Variants in EMC3 observed in about 807,000 individuals in gnomAD.
The protein encoded by EMC3 is ER membrane protein complex subunit 3.
EMC3 carries 13 observed loss-of-function variants against 36.6 expected under a neutral mutation model. The observed-to-expected ratio is 0.35, with a 90% CI of 0.23 to 0.56. The LOEUF is 0.56. Among genes scored for constraint, EMC3 ranks in the 20% least tolerant of loss-of-function variants. The probability of loss-of-function intolerance (pLI) is 0.84; values close to 1 mark genes in which losing one functional copy is unlikely to be tolerated. For synonymous variants in EMC3, 120 were observed against 111.9 expected (o/e 1.07, Z -0.46); for missense variants, 220 against 324.5 (o/e 0.68, Z 2.47).
chr3:9,970,677 G>T lies in EMC3; in HGVS notation c.495-16C>A, dbSNP rs1559349752. ...AGAACTCACCCTGGCAAAGCAAAAT[G>T]AAAATGGTGTGGTTAGTTATTATAT... On this transcript the variant is annotated splice_polypyrimidine_tract_variant and intron_variant, in intron 5 of 7. Transcript: ENST00000245046. The T allele has an allele frequency of 6.2e-7, 1 of 1,613,664 alleles. No individual in the cohort carries two copies. The highest frequency in any genetic ancestry group is 2.2e-5 in the East Asian group (1 of 44,866).
chr3:9,970,193 C>T (rs2085771082), intron 6 of EMC3, among the ~76,000 whole-genome samples: 1 of 152,138 alleles, frequency 6.6e-6, no homozygotes, highest in Non-Finnish European at 1.5e-5. Context: ...AGTTAAGTAA[C>T]TTGTTAAGTA....
intron 1 of EMC3, among the ~76,000 whole-genome samples, chr3:9,995,569 T>C (rs542652366): frequency 4.0e-5 from 6 of 150,806 alleles, no homozygotes; most frequent in Non-Finnish European, 7.4e-5. Flanking sequence ...TGAATCCCCT[T>C]AGAATGGCCA....
At chr3:9,993,047 C>G in intron 1 of EMC3, 2 of 896,320 alleles carry the variant, frequency 2.2e-6, no homozygotes, top group East Asian at 5.3e-5. Flanking sequence ...TAATCTAAAA[C>G]AGAAAGCTTT....
At position 9,963,675 on chromosome 3, in the gene EMC3, A is replaced by C. The variant is rs2085710572; in HGVS notation, c.*394T>G. On this transcript the variant is annotated 3_prime_UTR_variant, in exon 8 of 8. Transcript: ENST00000245046. ...GTATTTTTAGTAGAGATGGGGTTTC[A>C]CCATCTTGGCCAGGCTGATCTTGAA... 1 of 155,602 alleles carries C rather than the reference A, an allele frequency of 6.4e-6. No homozygotes were observed. Among genetic ancestry groups the C allele is most frequent in the Non-Finnish European group, 1.4e-5 (1 of 70,626 alleles). 9.6% of individuals were successfully genotyped at this position (155,602 alleles called of 1,614,324 possible).
At chr3:10,000,099 G>A (rs1462873449) in intron 1 of EMC3, among the ~76,000 whole-genome samples, 2 of 151,864 alleles carry the variant, frequency 1.3e-5, no homozygotes, top group African/African-American at 2.4e-5. Flanking sequence ...GTGCAGTGGC[G>A]CGATCTTGGT....
chr3:10,002,054 T>C (rs755056924), intron 1 of EMC3, among the ~76,000 whole-genome samples: 1 of 147,496 alleles, frequency 6.8e-6, no homozygotes, highest in South Asian at 2.2e-4. Flanking sequence ...CCAACTTTGC[T>C]CTTTTTCAAG....
intron 1 of EMC3, among the ~76,000 whole-genome samples, chr3:10,009,507 A>G (rs1240350109): frequency 1.3e-5 from 2 of 152,036 alleles, no homozygotes; most frequent in Non-Finnish European, 2.9e-5. Flanking sequence ...CTTTCCTATA[A>G]CCCGAGAATT....
chr3:9,999,613 A>C (rs1048655120), intron 1 of EMC3, among the ~76,000 whole-genome samples: 4 of 152,156 alleles, frequency 2.6e-5, no homozygotes, highest in African/African-American at 9.7e-5. Context: ...GATCACACAT[A>C]GTTTTAAAGT....
At chr3:9,985,606 C>A (rs1277226726) in intron 1 of EMC3, among the ~76,000 whole-genome samples, 1 of 152,028 alleles carries the variant, frequency 6.6e-6, no homozygotes, top group Non-Finnish European at 1.5e-5. Flanking sequence ...ATAAATATTG[C>A]AACGAGGGGC....
chr3:9,964,978 C>G (rs1413886694), intron 7 of EMC3, among the ~76,000 whole-genome samples: 1 of 151,928 alleles, frequency 6.6e-6, no homozygotes, highest in Non-Finnish European at 1.5e-5. Flanking sequence ...TGGCATGCAT[C>G]TACAGTCCCA....
At chr3:9,979,932 G>A (rs2085891417) in intron 1 of EMC3, among the ~76,000 whole-genome samples, 1 of 152,116 alleles carries the variant, frequency 6.6e-6, no homozygotes, top group African/African-American at 2.4e-5. Context: ...CTGGAAAAAG[G>A]AGAACTATAG....
upstream of EMC3, among the ~76,000 whole-genome samples, chr3:9,990,942 C>T (rs1304620890): frequency 6.6e-6 from 1 of 152,178 alleles, no homozygotes; most frequent in Non-Finnish European, 1.5e-5. Flanking sequence ...CATTCTCCTG[C>T]CTCGGCCTCC....
intron 5 of EMC3, among the ~76,000 whole-genome samples, chr3:9,973,188 TTTTG>T (rs375164713): frequency 2.8e-4 from 42 of 149,716 alleles, no homozygotes; most frequent in South Asian, 1.7e-3. Flanking sequence ...TGTTTTCGTT[TTTTG>T]TTTGTTTGTT....
intron 1 of EMC3, among the ~76,000 whole-genome samples, chr3:9,994,027 G>C (rs1368314507): frequency 6.6e-6 from 1 of 152,306 alleles, no homozygotes; most frequent in Non-Finnish European, 1.5e-5. Context: ...ACTCAGAATG[G>C]TGAAGGATTA....
intron 1 of EMC3, among the ~76,000 whole-genome samples, chr3:9,998,229 G>C (rs2086151806): frequency 6.6e-6 from 1 of 151,596 alleles, no homozygotes; most frequent in Non-Finnish European, 1.5e-5. Flanking sequence ...AGCTAGGCGT[G>C]GTGGTGTGCG....
chr3:9,976,797 C>T (rs879345613), intron 3 of EMC3, among the ~76,000 whole-genome samples, 160 bp downstream of exon 3: 1 of 152,158 alleles, frequency 6.6e-6, no homozygotes, highest in South Asian at 2.1e-4. Flanking sequence ...GAGAATTCCA[C>T]TTCCATAGAT....
chr3:9,979,800 T>C (rs2085889804), intron 1 of EMC3, among the ~76,000 whole-genome samples: 1 of 152,166 alleles, frequency 6.6e-6, no homozygotes, highest in South Asian at 2.1e-4. Context: ...GATGTAGGAT[T>C]AAGCTGGACT....
chr3:10,005,054 A>G (rs1282389121), intron 1 of EMC3: 2 of 152,228 alleles, frequency 1.3e-5, no homozygotes, highest in Admixed American at 1.3e-4. Flanking sequence ...GCATAGGCCA[A>G]CTGGGACCCA....
chr3:9,977,724 C>T (rs892268722), intron 1 of EMC3, among the ~76,000 whole-genome samples: 2 of 152,118 alleles, frequency 1.3e-5, no homozygotes, highest in African/African-American at 4.8e-5. Flanking sequence ...TCAGCTTTTT[C>T]TTATTTGATA....
Sources: gnomAD v4.1 joint callset for allele counts (sites outside exome capture counted in the v4.1 genomes callset) on GRCh38, gnomAD v4.1.1 for gene constraint, MANE v1.5 for transcripts, NCBI Gene and HGNC (gene_info 2026-07-23, HGNC 2026-07-21) for gene names.